The following IQSEC1 variants were observed in gnomAD, a reference collection of about 807,000 sequenced individuals.
IQSEC1 encodes the protein IQ motif and SEC7 domain-containing protein 1.
A neutral mutation model predicts 91.0 loss-of-function variants in IQSEC1; 31 were observed. The observed-to-expected ratio is 0.34, with a 90% CI of 0.26 to 0.46. IQSEC1 has a LOEUF of 0.46. Ranked by LOEUF, IQSEC1 falls within the 20% of genes least tolerant of loss-of-function variation. The pLI is 1.00. For synonymous variants in IQSEC1, 699 were observed against 662.6 expected (o/e 1.05, Z -0.84); for missense variants, 1,388 against 1,575.6 (o/e 0.88, Z 2.02).
chr3:13,226,989 T>C (rs1694764195), intron 1 of IQSEC1, among the ~76,000 whole-genome samples: 1 of 152,086 alleles, frequency 6.6e-6, no homozygotes, highest in Non-Finnish European at 1.5e-5. Flanking sequence ...AACTCCTCGT[T>C]TGGGATCGTT....
In IQSEC1 at chr3:12,899,241, CCCT is replaced by C; in HGVS notation, c.*1739_*1741del. 1 of 845,226 alleles carries C rather than the reference CCCT, an allele frequency of 1.2e-6. No homozygotes were observed. The highest frequency in any genetic ancestry group is 1.8e-6 in the Non-Finnish European group (1 of 544,388). The allele number at this position is 845,226 out of a possible 1,614,324, so 52.4% of individuals were successfully genotyped here. A position where few individuals can be genotyped will look rare whatever the true frequency, so the allele number is the denominator to read the frequency against. ...GGTGACACACAGCCAGAGGGGGCTCCCCTCTCCTCCTGCCGTCCGGCCACGGCT... is the reference window on the plus strand; with the variant it reads ...GGTGACACACAGCCAGAGGGGGCTCCCTCCTCCTGCCGTCCGGCCACGGCT... On this transcript the variant is annotated 3_prime_UTR_variant, in exon 14 of 14. Transcript: ENST00000613206.
intron 2 of IQSEC1, 88 bp from the exon 3 acceptor site, chr3:12,936,785 G>A: frequency 1.5e-6 from 2 of 1,328,894 alleles, no homozygotes; most frequent in Non-Finnish European, 2.0e-6. Context: ...CTAGCCACGT[G>A]GCTGTGCGAC....
chr3:13,268,585 C>T (rs1199001283), intron 1 of IQSEC1, among the ~76,000 whole-genome samples: 1 of 152,150 alleles, frequency 6.6e-6, no homozygotes, highest in Non-Finnish European at 1.5e-5. Context: ...TGAGACTGCA[C>T]TGATGTCACG....
At chr3:12,941,211 G>A (rs974621629) in intron 2 of IQSEC1, among the ~76,000 whole-genome samples, 7 of 152,204 alleles carry the variant, frequency 4.6e-5, no homozygotes, top group South Asian at 2.1e-4. Context: ...AGTGTGTCCC[G>A]ATGACACTGG....
intron 1 of IQSEC1, among the ~76,000 whole-genome samples, chr3:12,991,107 T>C (rs1016110190): frequency 1.3e-5 from 2 of 152,064 alleles, no homozygotes; most frequent in African/African-American, 4.8e-5. Context: ...GGAAGACTGG[T>C]ATATTACCAG....
intron 2 of IQSEC1, among the ~76,000 whole-genome samples, chr3:13,099,522 T>C (rs1706022203): frequency 6.6e-6 from 1 of 152,048 alleles, no homozygotes; most frequent in Admixed American, 6.5e-5. Flanking sequence ...TCTGTGGCCC[T>C]CAGAAGCGCC....
At chr3:12,989,528 G>C (rs1009912465) in intron 1 of IQSEC1, among the ~76,000 whole-genome samples, 6 of 152,144 alleles carry the variant, frequency 3.9e-5, no homozygotes, top group African/African-American at 1.4e-4. Flanking sequence ...CACAAAGCTA[G>C]GAAGCTGACA....
intron 1 of IQSEC1, among the ~76,000 whole-genome samples, chr3:13,026,617 G>A (rs1356365336): frequency 6.6e-6 from 1 of 152,188 alleles, no homozygotes; most frequent in Non-Finnish European, 1.5e-5. Context: ...GTGCCATGAA[G>A]AAGGCGTATA....
At chr3:13,049,909 G>A (rs777920036) in intron 1 of IQSEC1, among the ~76,000 whole-genome samples, 1 of 152,162 alleles carries the variant, frequency 6.6e-6, no homozygotes, top group Non-Finnish European at 1.5e-5. Flanking sequence ...CAGACAGTAC[G>A]GTCGCTGAAG....
At chr3:13,122,071 A>G (rs1356250156) in intron 2 of IQSEC1, among the ~76,000 whole-genome samples, 1 of 152,238 alleles carries the variant, frequency 6.6e-6, no homozygotes, top group Non-Finnish European at 1.5e-5. Context: ...GGAGGCAATA[A>G]TAAGCCAAAC....
At chr3:12,995,101 A>G (rs961665372) in intron 1 of IQSEC1, 2 of 152,240 alleles carry the variant, frequency 1.3e-5, no homozygotes, top group African/African-American at 4.8e-5. Context: ...GTCTGGAGCG[A>G]GGGCGTCAGG....
intron 1 of IQSEC1, among the ~76,000 whole-genome samples, chr3:12,969,844 C>G (rs1700811266): frequency 6.6e-6 from 1 of 152,256 alleles, no homozygotes. Context: ...GATGGACACT[C>G]TGGAAACCAA....
intron 12 of IQSEC1, among the ~76,000 whole-genome samples, chr3:12,903,607 G>A (rs1196108827): frequency 1.3e-5 from 2 of 152,204 alleles, no homozygotes; most frequent in African/African-American, 2.4e-5. Context: ...TCAGAGCAAG[G>A]CCAGGTCTTC....
At chr3:13,014,716 T>G (rs1703037612) in intron 1 of IQSEC1, among the ~76,000 whole-genome samples, 3 of 152,068 alleles carry the variant, frequency 2.0e-5, no homozygotes, top group Admixed American at 1.3e-4. Context: ...ATGACCCCAG[T>G]GAGCCAGGGG....
At chr3:12,977,352 GA>G (rs5846795) in intron 1 of IQSEC1, among the ~76,000 whole-genome samples, 99,794 of 144,902 alleles carry the variant, frequency 0.69, 34,939 homozygotes, top group East Asian at 0.95. Context: ...TGTCTCCAGG[GA>G]AAAAAAAAAA....
chr3:12,980,441 C>T (rs908129232), intron 1 of IQSEC1, among the ~76,000 whole-genome samples: 4 of 152,240 alleles, frequency 2.6e-5, no homozygotes, highest in African/African-American at 9.6e-5. Context: ...GCAACACAAT[C>T]CACAGACAAT....
intron 1 of IQSEC1, among the ~76,000 whole-genome samples, chr3:13,196,164 A>G (rs1356804442): frequency 6.6e-6 from 1 of 152,064 alleles, no homozygotes; most frequent in African/African-American, 2.4e-5. Context: ...GAGGAAGCCC[A>G]GTTTACGTGG....
intron 1 of IQSEC1, among the ~76,000 whole-genome samples, chr3:13,064,989 A>T (rs1481739720): frequency 6.6e-6 from 1 of 152,218 alleles, no homozygotes; most frequent in Non-Finnish European, 1.5e-5. Context: ...GGCTTCCTGG[A>T]GATGTGTGGG....
chr3:12,981,666 A>G (rs1701469784), intron 1 of IQSEC1, among the ~76,000 whole-genome samples: 2 of 152,374 alleles, frequency 1.3e-5, no homozygotes, highest in South Asian at 4.1e-4. Flanking sequence ...ATCATAAAGA[A>G]TTGTGAAGTA....
Sources: gnomAD v4.1 joint callset for allele counts (sites outside exome capture counted in the v4.1 genomes callset) on GRCh38, gnomAD v4.1.1 for gene constraint, MANE v1.5 for transcripts, NCBI Gene and HGNC (gene_info 2026-07-23, HGNC 2026-07-21) for gene names.